Variants in COL19A1 observed in about 807,000 individuals in gnomAD.
COL19A1 encodes the protein collagen alpha-1(XIX) chain.
COL19A1 carries 159 observed loss-of-function variants against 190.2 expected under a neutral mutation model. The observed-to-expected ratio is 0.84, with a 90% confidence interval of 0.73 to 0.95. The LOEUF (loss-of-function observed/expected upper bound fraction) is 0.95. Among genes scored for constraint, COL19A1 ranks in the 40% least tolerant of loss-of-function variants. The pLI is 0.00. For missense variants in COL19A1, 1,418 were observed against 1,431.9 expected, an observed-to-expected ratio of 0.99 and a Z score of 0.16; for synonymous variants, 509 against 458.9, an observed-to-expected ratio of 1.11 and a Z score of -1.39.
At chr6:69,982,986 A>G (rs1776125641) in intron 11 of COL19A1, among the ~76,000 whole-genome samples, 1 of 142,088 alleles carries the variant, frequency 7.0e-6, no homozygotes, top group Non-Finnish European at 1.5e-5. Context: ...ATAAATAAAT[A>G]AATAAATAAA....
chr6:69,900,669 C>T (rs1026206262), intron 4 of COL19A1, among the ~76,000 whole-genome samples: 1 of 151,950 alleles, frequency 6.6e-6, no homozygotes, highest in African/African-American at 2.4e-5. Flanking sequence ...AAACATAAGG[C>T]ACTATATAGA....
chr6:70,206,962 T>G lies in COL19A1; in HGVS notation c.3285T>G (p.Gly1095=). 6.2e-7 allele frequency: 1 copy of G among 1,613,782 alleles called. No individual in the cohort carries two copies. The highest frequency in any genetic ancestry group is 1.1e-5 in the South Asian group (1 of 91,064). Residue 1095 remains glycine (G), a synonymous_variant, in exon 50 of 51, where the codon GGT becomes GGG. Coordinates refer to ENST00000620364, the MANE Select transcript of COL19A1 (RefSeq NM_001858.6). ...EPGIGLPGSP[G]LPGTSALGLP... is the part of the protein sequence containing the mutation. ...GAATTGGGCTGCCAGGGAGTCCAGG[T>G]CTTCCTGGGACTTCAGGTAAGTGGG...
intron 14 of COL19A1, among the ~76,000 whole-genome samples, chr6:70,041,468 T>C (rs1418948002): frequency 6.6e-6 from 1 of 152,096 alleles, no homozygotes; most frequent in African/African-American, 2.4e-5. Flanking sequence ...ATAATATAAA[T>C]AATAAATGGT....
At chr6:70,171,170 G>A (rs1439694500) in intron 40 of COL19A1, among the ~76,000 whole-genome samples, 13 of 152,108 alleles carry the variant, frequency 8.5e-5, no homozygotes, top group Non-Finnish European at 1.5e-5. Context: ...GATTATTTTA[G>A]CTCATCAGCT....
At chr6:70,009,318 A>G (rs1777835225) in intron 11 of COL19A1, among the ~76,000 whole-genome samples, 1 of 152,094 alleles carries the variant, frequency 6.6e-6, no homozygotes, top group African/African-American at 2.4e-5. Context: ...CAGGAATCAA[A>G]TTGAATATAC....
intron 15 of COL19A1, among the ~76,000 whole-genome samples, chr6:70,085,264 G>T (rs557723751): frequency 6.6e-6 from 1 of 152,228 alleles, no homozygotes. Flanking sequence ...TGGGTGTTTG[G>T]GGGTGAAATC....
At chr6:70,102,511 T>A (rs1783699284) in intron 16 of COL19A1, among the ~76,000 whole-genome samples, 1 of 152,186 alleles carries the variant, frequency 6.6e-6, no homozygotes, top group African/African-American at 2.4e-5. Context: ...CCAAGCCAAG[T>A]GTCCAGATAG....
chr6:70,125,496 C>G (rs1785141959), intron 17 of COL19A1, among the ~76,000 whole-genome samples: 1 of 152,000 alleles, frequency 6.6e-6, no homozygotes, highest in Admixed American at 6.6e-5. Flanking sequence ...TTTTCCTCTG[C>G]TATTTTCCTT....
intron 14 of COL19A1, among the ~76,000 whole-genome samples, chr6:70,062,301 A>G (rs1352737184): frequency 1.3e-5 from 2 of 152,276 alleles, no homozygotes; most frequent in East Asian, 1.9e-4. Context: ...ATCAAATGAA[A>G]GCCATCTGAT....
chr6:70,141,759 C>T, intron 20 of COL19A1, 134 bp from the exon 21 acceptor site: 1 of 625,690 alleles, frequency 1.6e-6, no homozygotes. Context: ...ATGAACTCTC[C>T]TTGATTTTAT....
chr6:70,164,954 C>G (rs1409551512), intron 36 of COL19A1, among the ~76,000 whole-genome samples: 1 of 152,088 alleles, frequency 6.6e-6, no homozygotes, highest in East Asian at 1.9e-4. Context: ...ACTTTCGTTA[C>G]AAAAAATGGC....
Position 70,023,748 on chromosome 6 carries a change from T to C in COL19A1, c.1080+68T>C. On this transcript the variant is annotated intron_variant, in intron 12 of 50. Coordinates refer to ENST00000620364, the MANE Select transcript of COL19A1 (RefSeq NM_001858.6). ...CACTAAGATATGCTATTTAATGCTA[T>C]TAAGATTTGCCTATTTTTGGCAGAG... is the stretch of plus-strand genomic sequence containing the variant. 8.3e-6 allele frequency: 12 copies of C among 1,446,344 alleles called. No individual in the cohort carries two copies. In the South Asian group the frequency reaches 1.5e-4, roughly 18 times the overall value. The allele number at this position is 1,446,344 out of a possible 1,614,324, so 89.6% of individuals were successfully genotyped here.
chr6:69,974,076 C>A (rs1254614011), intron 11 of COL19A1: 2 of 152,166 alleles, frequency 1.3e-5, no homozygotes, highest in East Asian at 3.8e-4. Flanking sequence ...TAAAAAAAAT[C>A]ATTGGTTTTT....
chr6:70,163,908 C>T (rs185339220), intron 36 of COL19A1, among the ~76,000 whole-genome samples: 51 of 152,322 alleles, frequency 3.3e-4, no homozygotes, highest in African/African-American at 1.2e-3. Context: ...ATGTCACCTA[C>T]TAGCTGTGTC....
chr6:69,988,033 G>T (rs1414016690), intron 11 of COL19A1, among the ~76,000 whole-genome samples: 10 of 152,148 alleles, frequency 6.6e-5, no homozygotes, highest in Non-Finnish European at 1.3e-4. Context: ...TTCTGGAAAA[G>T]ACTCAAAAAT....
intron 26 of COL19A1, 40 bp from the exon 27 acceptor site, chr6:70,146,772 C>CA: frequency 6.3e-7 from 1 of 1,589,540 alleles, no homozygotes; most frequent in Non-Finnish European, 8.5e-7. Context: ...AAATGTATGT[C>CA]TCTTGAGCCT....
In COL19A1 at chr6:69,980,648, C is replaced by T. The variant is rs148458220; in HGVS notation, c.1026+17778C>T. Among the ~76,000 whole-genome samples, 31 of 152,220 alleles carry T rather than the reference C, an allele frequency of 2.0e-4. 2 individuals carry two copies. The South Asian group carries it at 6.0e-3, about 29-fold the overall frequency. On this transcript the variant is annotated intron_variant, in intron 11 of 50. Coordinates refer to ENST00000620364, the MANE Select transcript of COL19A1 (RefSeq NM_001858.6). ...AATAGGTGACCAGTTAACATTTGTACGTTCCAAAGAGTTTTTAAAAGCTGA... is the reference window on the plus strand; with the variant it reads ...AATAGGTGACCAGTTAACATTTGTATGTTCCAAAGAGTTTTTAAAAGCTGA...
chr6:69,982,358 A>C (rs766723155), intron 11 of COL19A1, among the ~76,000 whole-genome samples: 204 of 148,358 alleles, frequency 1.4e-3, no homozygotes, highest in Non-Finnish European at 8.6e-4. Flanking sequence ...TTCCTGCCTC[A>C]GCCTCCCCAG....
chr6:69,878,887 T>C (rs1220837884), intron 1 of COL19A1, among the ~76,000 whole-genome samples: 1 of 152,174 alleles, frequency 6.6e-6, no homozygotes, highest in East Asian at 1.9e-4. Flanking sequence ...GAGGAAGTTC[T>C]GAAACAATGT....
Sources: allele counts gnomAD v4.1 joint callset (sites outside exome capture counted in the v4.1 genomes callset), GRCh38; gene constraint gnomAD v4.1.1; transcripts MANE v1.5; gene names NCBI Gene and HGNC (gene_info 2026-07-23, HGNC 2026-07-21).